PTPRD: variants seen among roughly 807,000 people sequenced by gnomAD.
The protein encoded by PTPRD is protein tyrosine phosphatase receptor type D, also known as receptor-type tyrosine-protein phosphatase delta.
A neutral mutation model predicts 214.5 loss-of-function variants in PTPRD; 34 were observed. That is an observed-to-expected ratio of 0.16 (90% CI 0.12 to 0.21). PTPRD has a LOEUF of 0.21. PTPRD is among the 10% of genes least tolerant of loss of function. The probability of loss-of-function intolerance (pLI) is 1.00; values close to 1 mark genes in which losing one functional copy is unlikely to be tolerated. For missense variants in PTPRD, 2,545 were observed against 2,398.7 expected (o/e 1.06, Z -1.27); for synonymous variants, 1,128 against 845.7 (o/e 1.33, Z -5.79).
chr9:8,906,473 C>T (rs149589419), intron 11 of PTPRD, among the ~76,000 whole-genome samples: 2 of 152,142 alleles, frequency 1.3e-5, no homozygotes, highest in African/African-American at 4.8e-5. Flanking sequence ...AATTATCTAC[C>T]TCAAGAGGTG....
chr9:9,232,562 A>C (rs1482664671), intron 9 of PTPRD, among the ~76,000 whole-genome samples: 1 of 152,198 alleles, frequency 6.6e-6, no homozygotes, highest in African/African-American at 2.4e-5. Flanking sequence ...TCTGGAAGTA[A>C]TAAAAATACC....
chr9:8,984,342 G>T (rs2099328841), intron 11 of PTPRD, among the ~76,000 whole-genome samples: 1 of 151,998 alleles, frequency 6.6e-6, no homozygotes, highest in South Asian at 2.1e-4. Flanking sequence ...GAAATGAATT[G>T]TTTTTTAAAA....
intron 2 of PTPRD, among the ~76,000 whole-genome samples, chr9:10,487,619 G>A (rs2099141102): frequency 6.6e-6 from 1 of 151,854 alleles, no homozygotes. Context: ...ACCAAATACG[G>A]CATGTTCTCA....
chr9:8,692,856 T>C (rs969111746), intron 12 of PTPRD, among the ~76,000 whole-genome samples: 13 of 152,316 alleles, frequency 8.5e-5, no homozygotes, highest in African/African-American at 3.1e-4. Context: ...GTCAACTTAA[T>C]CCACAAGACA....
At position 9,677,737 on chromosome 9, in the gene PTPRD, G is replaced by A. The variant is rs539913901; in HGVS notation, c.-287+56796C>T. ...TGGCCAGGGCTATCAGGCAGGAGAA[G>A]GAAATAAAGGGCATTCAATTAGGAA... On this transcript the variant is annotated intron_variant, in intron 7 of 45. Transcript: ENST00000381196. 2.6e-5 allele frequency among the ~76,000 whole-genome samples: 4 copies of A among 151,974 alleles called. No individual in the cohort carries two copies. The East Asian group carries it at 5.8e-4, about 22-fold the overall frequency.
intron 8 of PTPRD, among the ~76,000 whole-genome samples, chr9:9,444,661 C>T (rs183680826): frequency 1.3e-5 from 2 of 152,120 alleles, no homozygotes; most frequent in African/African-American, 4.8e-5. Flanking sequence ...CCAAGTTAGA[C>T]TGGGGTAGGA....
At chr9:9,784,108 C>T (rs2098894413) in intron 5 of PTPRD, among the ~76,000 whole-genome samples, 1 of 152,006 alleles carries the variant, frequency 6.6e-6, no homozygotes, top group African/African-American at 2.4e-5. Flanking sequence ...GAAAGATTTC[C>T]TATAAGATAA....
chr9:9,424,953 C>T (rs530553907), intron 8 of PTPRD, among the ~76,000 whole-genome samples: 202 of 152,310 alleles, frequency 1.3e-3, no homozygotes, highest in African/African-American at 4.6e-3. Context: ...TTACCTACTA[C>T]TTAAAGCTGG....
intron 3 of PTPRD, among the ~76,000 whole-genome samples, chr9:10,293,415 G>A (rs528699504): frequency 2.6e-5 from 4 of 152,050 alleles, no homozygotes; most frequent in African/African-American, 7.2e-5. Flanking sequence ...CAATGTTTTA[G>A]AGGAGGAGAT....
intron 9 of PTPRD, among the ~76,000 whole-genome samples, chr9:9,214,498 T>TTA (rs397948831): frequency 6.6e-6 from 1 of 151,314 alleles, no homozygotes; most frequent in Non-Finnish European, 1.5e-5. Context: ...TTTTTTTTTT[T>TTA]AACTTCTACT....
chr9:9,415,180 G>C (rs1173208570), intron 8 of PTPRD, among the ~76,000 whole-genome samples: 1 of 152,144 alleles, frequency 6.6e-6, no homozygotes, highest in East Asian at 1.9e-4. Flanking sequence ...ATGAGTCACA[G>C]AGTTCCTTCA....
intron 2 of PTPRD, among the ~76,000 whole-genome samples, chr9:10,408,553 C>T (rs7023745): frequency 0.79 from 119,885 of 151,508 alleles, 48,085 homozygotes; most frequent in East Asian, 0.88. Flanking sequence ...TATTTTATCA[C>T]CCCTGCTTAA....
chr9:10,248,732 A>G (rs1013759529), intron 3 of PTPRD, among the ~76,000 whole-genome samples: 12 of 152,050 alleles, frequency 7.9e-5, no homozygotes, highest in African/African-American at 2.9e-4. Flanking sequence ...CTTTAAACTA[A>G]TGGCATGCTC....
intron 9 of PTPRD, among the ~76,000 whole-genome samples, chr9:9,227,251 T>G (rs886557740): frequency 6.6e-6 from 1 of 152,086 alleles, no homozygotes; most frequent in Non-Finnish European, 1.5e-5. Context: ...TCTTTTTTCA[T>G]ACACATCACA....
intron 7 of PTPRD, among the ~76,000 whole-genome samples, chr9:9,634,306 AT>A (rs768406669): frequency 1.5e-4 from 23 of 152,208 alleles, no homozygotes; most frequent in Non-Finnish European, 3.1e-4. Context: ...TCATCAATAA[AT>A]GTTAATTTTA....
chr9:9,445,628 C>T (rs548945192), intron 8 of PTPRD, among the ~76,000 whole-genome samples: 220 of 152,260 alleles, frequency 1.4e-3, no homozygotes, highest in African/African-American at 5.1e-3. Context: ...GGAAAATCCT[C>T]TTATCAAATC....
chr9:9,400,915 T>C (rs1171064785), intron 8 of PTPRD, among the ~76,000 whole-genome samples: 1 of 152,088 alleles, frequency 6.6e-6, no homozygotes, highest in African/African-American at 2.4e-5. Flanking sequence ...CATTTAATTC[T>C]TATAAAGGGT....
In PTPRD at chr9:9,136,098, C is replaced by T. The variant is rs921992884; in HGVS notation, c.-143+47206G>A. 7.9e-5 allele frequency among the ~76,000 whole-genome samples: 12 copies of T among 151,944 alleles called. No individual in the cohort carries two copies. The South Asian group carries it at 1.0e-3, about 13-fold the overall frequency. ...GAAATATCTCAACCTCATAACATAC[C>T]GTCATAGTATAGAAAGGTGAATTCT... On this transcript the variant is annotated intron_variant, in intron 10 of 45. Transcript: ENST00000381196.
At chr9:8,885,488 C>CTTTT (rs35568734) in intron 11 of PTPRD, among the ~76,000 whole-genome samples, 49 of 93,360 alleles carry the variant, frequency 5.2e-4, no homozygotes, top group East Asian at 1.0e-3. Context: ...CACACAGCCT[C>CTTTT]TTTTTTTTTT....
Sources: allele counts gnomAD v4.1 joint callset (sites outside exome capture counted in the v4.1 genomes callset), GRCh38; gene constraint gnomAD v4.1.1; transcripts MANE v1.5; gene names NCBI Gene and HGNC (gene_info 2026-07-23, HGNC 2026-07-21).